CSMD3: variants seen among roughly 807,000 people sequenced by gnomAD.
CSMD3 encodes the protein CUB and Sushi multiple domains 3.
In CSMD3, 177 loss-of-function variants were observed where a neutral mutation model predicts 435.2. That is an observed-to-expected ratio of 0.41 (90% confidence interval 0.36 to 0.46). The LOEUF is 0.46. Ranked by LOEUF, CSMD3 falls within the 20% of genes least tolerant of loss-of-function variation. CSMD3 has a pLI of 0.34. For missense variants in CSMD3, 4,265 were observed against 4,504.6 expected, an observed-to-expected ratio of 0.95 and a Z score of 1.52; for synonymous variants, 1,656 against 1,520.5, an observed-to-expected ratio of 1.09 and a Z score of -2.07.
At position 113,276,363 on chromosome 8, in the gene CSMD3, C is replaced by T. The variant is rs117340288; in HGVS notation, c.514+2229G>A. Among the ~76,000 whole-genome samples, 991 of 152,124 alleles carry T rather than the reference C, an allele frequency of 6.5e-3. 6 individuals carry two copies. The highest frequency in any genetic ancestry group is 0.017 in the Middle Eastern group (5 of 294). ...TAAGATGTGTGGAGGGAGAAAGTAGCAGACAGATACATCAGAGGGGAAATC... is the reference window on the plus strand; with the variant it reads ...TAAGATGTGTGGAGGGAGAAAGTAGTAGACAGATACATCAGAGGGGAAATC... On this transcript the variant is annotated intron_variant, in intron 3 of 70. Transcript: ENST00000297405.
At chr8:113,337,277 G>A (rs2094083677) in intron 1 of CSMD3, among the ~76,000 whole-genome samples, 1 of 151,978 alleles carries the variant, frequency 6.6e-6, no homozygotes. Flanking sequence ...TAACATAGAG[G>A]GTTTTTAGTT....
intron 6 of CSMD3, among the ~76,000 whole-genome samples, chr8:113,012,045 T>C (rs2086273925): frequency 6.6e-6 from 1 of 151,794 alleles, no homozygotes; most frequent in Non-Finnish European, 1.5e-5. Flanking sequence ...AGAAAGATGA[T>C]AATAATGTCA....
intron 50 of CSMD3, among the ~76,000 whole-genome samples, chr8:112,309,246 C>T (rs1446603851): frequency 3.3e-5 from 5 of 151,622 alleles, no homozygotes; most frequent in Admixed American, 6.6e-5. Flanking sequence ...AGAAAGCATG[C>T]GGTATTTTTA....
chr8:112,849,728 G>C (rs758193864), intron 11 of CSMD3, among the ~76,000 whole-genome samples: 8 of 151,604 alleles, frequency 5.3e-5, no homozygotes, highest in Non-Finnish European at 1.2e-4. Flanking sequence ...TTATCTCCCT[G>C]TCTCAGAGTT....
intron 3 of CSMD3, among the ~76,000 whole-genome samples, chr8:113,274,768 A>T (rs922408250): frequency 6.6e-6 from 1 of 150,384 alleles, no homozygotes; most frequent in African/African-American, 2.4e-5. Context: ...CCTAATAATG[A>T]TTTTTAAAGA....
At chr8:113,198,867 G>T (rs1199484398) in intron 3 of CSMD3, among the ~76,000 whole-genome samples, 1 of 150,748 alleles carries the variant, frequency 6.6e-6, no homozygotes, top group African/African-American at 2.4e-5. Context: ...ATCCCCAAAA[G>T]AATTAAACAG....
At chr8:112,694,637 C>T (rs1467510536) in intron 13 of CSMD3, among the ~76,000 whole-genome samples, 1 of 152,008 alleles carries the variant, frequency 6.6e-6, no homozygotes, top group Non-Finnish European at 1.5e-5. Flanking sequence ...AAACATGCAC[C>T]TAGTATGTAA....
At chr8:112,540,234 A>T (rs981585952) in intron 27 of CSMD3, among the ~76,000 whole-genome samples, 14 of 152,048 alleles carry the variant, frequency 9.2e-5, no homozygotes, top group Admixed American at 6.6e-5. Flanking sequence ...CCACAACGAG[A>T]TATTATCTCA....
chr8:113,335,565 G>GTTTTTTTTTTTTTT (rs1263100966), intron 1 of CSMD3, among the ~76,000 whole-genome samples: 21 of 98,120 alleles, frequency 2.1e-4, no homozygotes, highest in African/African-American at 4.5e-4. Context: ...TTTTTTTTGG[G>GTTTTTTTTTTTTTT]TATTTACATG....
chr8:112,337,766 C>T (rs1230925397), intron 42 of CSMD3, 35 bp from the exon 43 acceptor site: 2 of 1,568,464 alleles, frequency 1.3e-6, no homozygotes, highest in South Asian at 2.3e-5. Flanking sequence ...TTTTTTCTTT[C>T]CAAATTTCAG....
chr8:113,112,636 A>G (rs1289107799), intron 4 of CSMD3, among the ~76,000 whole-genome samples: 1 of 151,502 alleles, frequency 6.6e-6, no homozygotes, highest in Non-Finnish European at 1.5e-5. Context: ...AGAAAATTGA[A>G]GCTTATTTCA....
At chr8:112,701,923 C>T (rs1307269851) in intron 13 of CSMD3, among the ~76,000 whole-genome samples, 1 of 152,114 alleles carries the variant, frequency 6.6e-6, no homozygotes, top group African/African-American at 2.4e-5. Context: ...TCAAACTATA[C>T]ATCCTCCATA....
At chr8:112,478,540 G>A (rs989514194) in intron 31 of CSMD3, among the ~76,000 whole-genome samples, 2 of 152,148 alleles carry the variant, frequency 1.3e-5, no homozygotes, top group Non-Finnish European at 2.9e-5. Context: ...ACATGTCCTA[G>A]AGATCTGTGC....
chr8:113,418,406 C>A lies in CSMD3; in HGVS notation c.178+18271G>T, dbSNP rs144287978. On this transcript the variant is annotated intron_variant, in intron 1 of 70. Coordinates refer to ENST00000297405, the MANE Select transcript of CSMD3 (RefSeq NM_198123.2). ...AAGGAATCTTCTAATAAGACTGAGCCGTGATTTTTGCAGCGTGGCAGTAAA... is the reference window on the plus strand; with the variant it reads ...AAGGAATCTTCTAATAAGACTGAGCAGTGATTTTTGCAGCGTGGCAGTAAA... 2.4e-4 allele frequency among the ~76,000 whole-genome samples: 36 copies of A among 152,096 alleles called. No individual in the cohort carries two copies. The South Asian group carries it at 7.3e-3, about 31-fold the overall frequency.
At chr8:112,526,770 G>T (rs890125691) in intron 27 of CSMD3, among the ~76,000 whole-genome samples, 1 of 151,762 alleles carries the variant, frequency 6.6e-6, no homozygotes, top group African/African-American at 2.4e-5. Context: ...AAAGGGTTGT[G>T]ATGTTTATAA....
At chr8:112,832,891 G>A (rs761956583) in intron 11 of CSMD3, among the ~76,000 whole-genome samples, 9 of 152,014 alleles carry the variant, frequency 5.9e-5, no homozygotes, top group South Asian at 4.1e-4. Flanking sequence ...ACATCCAGTT[G>A]TCTCAATACT....
intron 2 of CSMD3, among the ~76,000 whole-genome samples, chr8:113,293,644 C>A (rs1410914678): frequency 6.6e-6 from 1 of 152,104 alleles, no homozygotes; most frequent in Non-Finnish European, 1.5e-5. Flanking sequence ...TATTTTCTTT[C>A]TTTGCTAAAT....
intron 4 of CSMD3, among the ~76,000 whole-genome samples, chr8:113,107,651 C>T (rs2090520148): frequency 6.6e-6 from 1 of 152,142 alleles, no homozygotes; most frequent in Non-Finnish European, 1.5e-5. Context: ...AAAAACAAAA[C>T]AAAACAAGGG....
chr8:112,352,087 C>G (rs558294868), intron 39 of CSMD3, among the ~76,000 whole-genome samples: 21 of 152,130 alleles, frequency 1.4e-4, no homozygotes, highest in Non-Finnish European at 2.8e-4. Context: ...ATTCAGTTGT[C>G]ACAATCCTAT....
Sources: gnomAD v4.1 joint callset for allele counts (sites outside exome capture counted in the v4.1 genomes callset) on GRCh38, gnomAD v4.1.1 for gene constraint, MANE v1.5 for transcripts, NCBI Gene and HGNC (gene_info 2026-07-23, HGNC 2026-07-21) for gene names.